The following ASTN2 variants were observed in gnomAD, a reference collection of about 807,000 sequenced individuals.
The protein encoded by ASTN2 is astrotactin-2.
A neutral mutation model predicts 139.8 loss-of-function variants in ASTN2; 54 were observed. The observed-to-expected ratio is 0.39, with a 90% confidence interval of 0.31 to 0.48. The LOEUF (loss-of-function observed/expected upper bound fraction) is 0.48, where lower values mean the gene tolerates loss of function less well. Ranked by LOEUF, ASTN2 falls within the 20% of genes least tolerant of loss-of-function variation. ASTN2 has a pLI of 0.95. For synonymous variants in ASTN2, 756 were observed against 719.5 expected (o/e 1.05, Z -0.81); for missense variants, 1,565 against 1,725.1 (o/e 0.91, Z 1.64).
intron 12 of ASTN2, 108 bp from the exon 13 acceptor site, chr9:116,805,928 G>T: frequency 9.4e-7 from 1 of 1,064,648 alleles, no homozygotes; most frequent in East Asian, 2.4e-5. Flanking sequence ...CAGAGTTTAG[G>T]AAGGAGACAG....
Position 117,060,393 on chromosome 9 carries a change from AGAAAGAAAGAAAGAAAGAAG to A in ASTN2, c.1277-20448_1277-20429del, listed in dbSNP as rs1564406351. ...AAGAAAGAAAGAAAGAAAGAAAGAA[AGAAAGAAAGAAAGAAAGAAG>A]GAAAGGAAGGAAGGAAGGAAGAGAG... On this transcript the variant is annotated intron_variant, in intron 5 of 22. Coordinates refer to ENST00000313400, the MANE Select transcript of ASTN2 (RefSeq NM_001365068.1). 2.8e-4 allele frequency among the ~76,000 whole-genome samples: 22 copies of A among 79,518 alleles called. 2 individuals carry two copies. The highest frequency in any genetic ancestry group is 1.3e-3 in the African/African-American group (21 of 15,828). The allele number at this position is 79,518 out of a possible 152,430, so 52.2% of individuals were successfully genotyped here. A position where few individuals can be genotyped will look rare whatever the true frequency, so the allele number is the denominator to read the frequency against.
chr9:116,803,509 TA>T (rs1830939058), intron 13 of ASTN2, among the ~76,000 whole-genome samples: 4 of 8,072 alleles, frequency 5.0e-4, no homozygotes, highest in Non-Finnish European at 8.1e-4. Flanking sequence ...TATATATATA[TA>T]TATATATATA....
At chr9:117,147,264 AC>A (rs1472524944) in intron 3 of ASTN2, among the ~76,000 whole-genome samples, 4 of 151,978 alleles carry the variant, frequency 2.6e-5, no homozygotes, top group Admixed American at 2.6e-4. Flanking sequence ...ACATGATGAA[AC>A]CCCATCTCTA....
At chr9:116,997,078 A>T (rs1415568727) in intron 7 of ASTN2, among the ~76,000 whole-genome samples, 2 of 152,130 alleles carry the variant, frequency 1.3e-5, no homozygotes, top group Non-Finnish European at 2.9e-5. Flanking sequence ...GAGATTTCAG[A>T]TCTCTGACAA....
chr9:116,685,190 A>T (rs1029567579), intron 16 of ASTN2, among the ~76,000 whole-genome samples: 1 of 152,004 alleles, frequency 6.6e-6, no homozygotes, highest in Admixed American at 6.6e-5. Flanking sequence ...AGATCAATAA[A>T]CTCACTCATC....
At chr9:117,184,421 A>T (rs772244397) in intron 3 of ASTN2, among the ~76,000 whole-genome samples, 6 of 152,130 alleles carry the variant, frequency 3.9e-5, no homozygotes, top group Non-Finnish European at 5.9e-5. Flanking sequence ...TGTTCTCCGA[A>T]GGCTTCATTC....
At chr9:117,116,218 G>A (rs55736771) in intron 4 of ASTN2, among the ~76,000 whole-genome samples, 46,745 of 151,860 alleles carry the variant, frequency 0.31, 7,291 homozygotes, top group Middle Eastern at 0.42. Context: ...TGGTCAGGAT[G>A]TGAGATTAGG....
chr9:117,141,508 G>T (rs375780288), intron 3 of ASTN2, 30 bp from the exon 4 acceptor site: 1 of 1,358,256 alleles, frequency 7.4e-7, no homozygotes, highest in East Asian at 4.6e-5. Flanking sequence ...CTGAGGTTAG[G>T]GCTTGAGCCC....
At chr9:116,946,329 G>T (rs1197791074) in intron 10 of ASTN2, among the ~76,000 whole-genome samples, 1 of 152,108 alleles carries the variant, frequency 6.6e-6, no homozygotes, top group Non-Finnish European at 1.5e-5. Context: ...AGCCTAGTGT[G>T]AAAAAATGCA....
chr9:116,804,198 G>A (rs1356570637), intron 13 of ASTN2, among the ~76,000 whole-genome samples: 1 of 152,052 alleles, frequency 6.6e-6, no homozygotes, highest in Non-Finnish European at 1.5e-5. Flanking sequence ...CTGTAAAATG[G>A]GAGTAAGAGG....
chr9:116,426,045 G>A lies in ASTN2; in HGVS notation c.3826C>T (p.His1276Tyr). ...GCACTCCGCAGGAGGCTGGAGCAGT[G>A]GCTACTCACCCTCTCCAGTCGCCGT... is the stretch of plus-strand genomic sequence containing the variant. ...ILRRLERVSS[H>Y]CSSLLRSAYI... The change falls in exon 23 of 23, where the codon CAC becomes TAC. Residue 1276 changes from histidine to tyrosine, a missense_variant. His to Tyr is a moderately conservative substitution (Grantham distance 83, BLOSUM62 2). Coordinates refer to ENST00000313400, the MANE Select transcript of ASTN2 (RefSeq NM_001365068.1). 2 of 1,613,920 alleles carry A rather than the reference G, an allele frequency of 1.2e-6. No individual in the cohort carries two copies. The highest frequency in any genetic ancestry group is 1.7e-6 in the Non-Finnish European group (2 of 1,180,000).
At chr9:117,279,917 C>G (rs552916470) in intron 2 of ASTN2, among the ~76,000 whole-genome samples, 2 of 152,282 alleles carry the variant, frequency 1.3e-5, no homozygotes, top group Admixed American at 1.3e-4. Flanking sequence ...CCTTCTCTTC[C>G]ATGTGTCTCT....
intron 6 of ASTN2, among the ~76,000 whole-genome samples, chr9:117,008,619 G>T (rs1441397981): frequency 1.3e-5 from 2 of 152,182 alleles, no homozygotes; most frequent in African/African-American, 4.8e-5. Context: ...ACCTCATGGA[G>T]TTGATAGGGG....
At chr9:117,327,593 T>C (rs1261651332) in intron 1 of ASTN2, among the ~76,000 whole-genome samples, 1 of 152,160 alleles carries the variant, frequency 6.6e-6, no homozygotes, top group Non-Finnish European at 1.5e-5. Flanking sequence ...TGCTGAAAGT[T>C]TGTGAGCAGG....
At chr9:116,653,817 T>G (rs1208306696) in intron 16 of ASTN2, among the ~76,000 whole-genome samples, 1 of 152,212 alleles carries the variant, frequency 6.6e-6, no homozygotes, top group African/African-American at 2.4e-5. Flanking sequence ...GGCCTCCACC[T>G]TTTCTGTCTG....
At chr9:116,618,519 C>A (rs1855966072) in intron 18 of ASTN2, 47 bp from the exon 19 acceptor site, 2 of 1,568,594 alleles carry the variant, frequency 1.3e-6, no homozygotes, top group South Asian at 2.4e-5. Flanking sequence ...CCAGCACCAG[C>A]TGGGGCCCAA....
chr9:117,136,091 G>A (rs184309416), intron 4 of ASTN2, among the ~76,000 whole-genome samples: 67 of 152,204 alleles, frequency 4.4e-4, no homozygotes, highest in Non-Finnish European at 7.6e-4. Flanking sequence ...TAATAATACC[G>A]ATAAAAATAA....
chr9:116,686,989 T>C (rs749242181), intron 16 of ASTN2: 30 of 1,427,772 alleles, frequency 2.1e-5, no homozygotes, highest in African/African-American at 4.3e-5. Context: ...AGGACTACCC[T>C]GGAGGCTACC....
chr9:116,654,994 A>G (rs1858125165), intron 16 of ASTN2, among the ~76,000 whole-genome samples: 2 of 152,372 alleles, frequency 1.3e-5, no homozygotes, highest in Admixed American at 1.3e-4. Flanking sequence ...TTAAAAGCCC[A>G]CAATCTTGGC....
Sources: allele counts gnomAD v4.1 joint callset (sites outside exome capture counted in the v4.1 genomes callset), GRCh38; gene constraint gnomAD v4.1.1; transcripts MANE v1.5; gene names NCBI Gene and HGNC (gene_info 2026-07-23, HGNC 2026-07-21).